Variants in COL6A5 observed in about 807,000 individuals in gnomAD.
COL6A5 encodes collagen alpha-5(VI) chain.
In COL6A5, 48 loss-of-function variants were observed where a neutral mutation model predicts 65.6. The observed-to-expected ratio is 0.73, with a 90% confidence interval of 0.58 to 0.93. COL6A5 has a LOEUF of 0.93. Ranked by LOEUF, COL6A5 falls within the 40% of genes least tolerant of loss-of-function variation. The pLI, the probability that COL6A5 is intolerant of heterozygous loss-of-function variation, is 0.00. For synonymous variants in COL6A5, 291 were observed against 322.8 expected, an observed-to-expected ratio of 0.90 and a Z score of 1.05; for missense variants, 914 against 928.3, an observed-to-expected ratio of 0.98 and a Z score of 0.20.
At chr3:130,448,689 T>C (rs1349655515) in intron 4 of COL6A5, among the ~76,000 whole-genome samples, 1 of 152,080 alleles carries the variant, frequency 6.6e-6, no homozygotes. Context: ...ATGAAGAATA[T>C]AGGGCTTGGG....
exon 2 of COL6A5, chr3:130,373,642 A>C (rs1369056393): frequency 2.6e-6 from 4 of 1,528,762 alleles, no homozygotes; most frequent in Non-Finnish European, 3.5e-6. Context: ...TAACAAAATG[A>C]AGATCTTGCT....
chr3:130,431,920 G>C, exon 1 of COL6A5: 1 of 1,550,676 alleles, frequency 6.4e-7, no homozygotes, highest in Non-Finnish European at 8.7e-7. Context: ...CTTTGCTTTT[G>C]ATGAGAGAGT....
At chr3:130,470,426 T>G (rs1365402883) in intron 6 of COL6A5, among the ~76,000 whole-genome samples, 1 of 152,016 alleles carries the variant, frequency 6.6e-6, no homozygotes, top group African/African-American at 2.4e-5. Flanking sequence ...AGCAGTTATG[T>G]TTAGTAGCAA....
intron 1 of COL6A5, among the ~76,000 whole-genome samples, chr3:130,372,883 GATCT>G (rs1386168286): frequency 6.6e-6 from 1 of 152,148 alleles, no homozygotes; most frequent in East Asian, 1.9e-4. Flanking sequence ...TTTTAAGGGA[GATCT>G]ATTTTTTGAG....
intron 1 of COL6A5, among the ~76,000 whole-genome samples, chr3:130,369,990 T>G (rs1293043302): frequency 6.6e-6 from 1 of 152,208 alleles, no homozygotes; most frequent in African/African-American, 2.4e-5. Context: ...GTTGGTTCAC[T>G]TGGTAGCTAT....
chr3:130,405,796 T>C (rs1301198924), intron 14 of COL6A5, 137 bp downstream of exon 14: 1 of 913,394 alleles, frequency 1.1e-6, no homozygotes, highest in Non-Finnish European at 1.7e-6. Context: ...TAGATGAGTT[T>C]TCCTGTCTGC....
At chr3:130,427,402 C>T (rs1937626604), upstream of COL6A5, among the ~76,000 whole-genome samples, 1 of 151,920 alleles carries the variant, frequency 6.6e-6, no homozygotes, top group Non-Finnish European at 1.5e-5. Context: ...GTTGTCATTG[C>T]AAGTATGTGG....
chr3:130,376,783 T>C (rs1482601761), exon 3 of COL6A5: 19 of 1,613,262 alleles, frequency 1.2e-5, no homozygotes, highest in Non-Finnish European at 1.5e-5. Context: ...ATGACACAGA[T>C]CATCAAGGAT....
rs201292581 is a variant in COL6A5 at position 130,470,944 on chromosome 3, C to T, written c.2307C>T (p.Asn769=). The change falls in exon 7 of 8, where the codon AAC becomes AAT. Residue 769 remains asparagine, a synonymous_variant. Coordinates refer to ENST00000512836, the Ensembl canonical transcript of COL6A5. ...ACATGACCTCTCCCAACCCAGAGAA[C>T]GGTGGCACAGAAAACACTGTATTGT... 1.0e-4 allele frequency: 169 copies of T among 1,611,764 alleles called. 1 individual carries two copies. In the Middle Eastern group the frequency reaches 1.5e-3, roughly 14 times the overall value.
intron 4 of COL6A5, among the ~76,000 whole-genome samples, chr3:130,382,620 G>A (rs967364215): frequency 6.6e-6 from 1 of 152,086 alleles, no homozygotes; most frequent in African/African-American, 2.4e-5. Flanking sequence ...CAACATTTAA[G>A]ACCTACTACC....
chr3:130,400,867 C>A (rs1184933955), intron 10 of COL6A5, among the ~76,000 whole-genome samples, 164 bp from the exon 11 acceptor site: 1 of 152,184 alleles, frequency 6.6e-6, no homozygotes, highest in Non-Finnish European at 1.5e-5. Flanking sequence ...CAGGCAAATT[C>A]TCTGTTAGTT....
At chr3:130,476,834 A>G in intron 7 of COL6A5, 1 of 652,698 alleles carries the variant, frequency 1.5e-6, no homozygotes, top group East Asian at 3.0e-5. Context: ...TTGTAATGAT[A>G]TTATATACAT....
chr3:130,466,314 G>GATCTTTGA (rs1709814226), intron 5 of COL6A5, among the ~76,000 whole-genome samples: 2 of 151,904 alleles, frequency 1.3e-5, no homozygotes, highest in African/African-American at 4.8e-5. Context: ...ATAGCAGAAA[G>GATCTTTGA]ATCTTTGAAA....
At chr3:130,436,894 C>T (rs1709047842) in intron 1 of COL6A5, among the ~76,000 whole-genome samples, 1 of 152,046 alleles carries the variant, frequency 6.6e-6, no homozygotes, top group South Asian at 2.1e-4. Flanking sequence ...TTTAAATGTC[C>T]TCAATGATAT....
upstream of COL6A5, among the ~76,000 whole-genome samples, chr3:130,427,144 A>C (rs1002864776): frequency 2.6e-5 from 4 of 152,210 alleles, no homozygotes; most frequent in Non-Finnish European, 5.9e-5. Flanking sequence ...ACTTTGAAAA[A>C]TACAGGCATT....
rs777482525 is a variant in COL6A5 at position 130,469,184 on chromosome 3, A to G, written c.1936A>G (p.Ile646Val). 29 of 1,613,156 alleles carry G rather than the reference A, an allele frequency of 1.8e-5. No individual in the cohort carries two copies. In the Admixed American group the frequency reaches 4.5e-4, roughly 25 times the overall value. Residue 646 changes from isoleucine (I) to valine (V), a missense_variant, in exon 6 of 8, where the codon ATT becomes GTT. Coordinates refer to ENST00000512836, the Ensembl canonical transcript of COL6A5. ...TATTGGCCATGCCTTGCAGTGGACA[A>G]TTGACAATGTCTTTGTAGGAACCCC...
At chr3:130,385,436 A>G (rs2107647359) in intron 5 of COL6A5, 72 bp downstream of exon 5, 2 of 1,417,996 alleles carry the variant, frequency 1.4e-6, no homozygotes, top group East Asian at 5.0e-5. Flanking sequence ...GGCCAGGCTG[A>G]GACAAGGCCT....
At chr3:130,401,118 G>A in exon 11 of COL6A5, 1 of 1,550,854 alleles carries the variant, frequency 6.4e-7, no homozygotes. Context: ...TTCGATTACA[G>A]GACTCATCTG....
chr3:130,406,169 G>C, exon 16 of COL6A5: 1 of 1,550,524 alleles, frequency 6.4e-7, no homozygotes, highest in Non-Finnish European at 8.7e-7. Flanking sequence ...GACTTGATGG[G>C]GAAGAGGTAA....
Sources: gnomAD v4.1 joint callset for allele counts (sites outside exome capture counted in the v4.1 genomes callset) on GRCh38, gnomAD v4.1.1 for gene constraint, MANE v1.5 for transcripts, NCBI Gene and HGNC (gene_info 2026-07-23, HGNC 2026-07-21) for gene names.